The following ZNF79 variants were observed in gnomAD, a reference collection of about 807,000 sequenced individuals.
ZNF79 encodes ZNFpT7.
A neutral mutation model predicts 14.9 loss-of-function variants in ZNF79; 13 were observed. That is an observed-to-expected ratio of 0.87 (90% CI 0.57 to 1.38). The LOEUF (loss-of-function observed/expected upper bound fraction) is 1.38. ZNF79 is among the 40% of genes most tolerant of loss of function. The pLI is 0.00. For missense variants in ZNF79, 631 were observed against 630.6 expected (o/e 1.00, Z -0.01); for synonymous variants, 223 against 235.1 (o/e 0.95, Z 0.47).
chr9:127,444,182 A>T lies in ZNF79; in HGVS notation c.482A>T (p.Gln161Leu). Residue 161 changes from glutamine (Q) to leucine (L), a missense_variant, in exon 5 of 5, where the codon CAG becomes CTG. By Grantham distance (113) the Gln-to-Leu change is moderately radical. Coordinates refer to ENST00000342483, the MANE Select transcript of ZNF79 (RefSeq NM_007135.3). ...FNLRPVLSPQ[Q>L]RVPVEARPRK... ...CTGAGACCAGTCCTCTCTCCGCAAC[A>T]GAGAGTGCCCGTGGAAGCGAGACCT... 6.2e-7 allele frequency: 1 copy of T among 1,614,116 alleles called. No homozygotes were observed. The highest frequency in any genetic ancestry group is 2.2e-5 in the East Asian group (1 of 44,884).
intron 2 of ZNF79, among the ~76,000 whole-genome samples, chr9:127,432,039 T>C (rs1176573213): frequency 1.3e-5 from 2 of 152,218 alleles, no homozygotes; most frequent in Non-Finnish European, 2.9e-5. Context: ...ATTAGCTATT[T>C]ATTTTCATTT....
intron 4 of ZNF79, among the ~76,000 whole-genome samples, chr9:127,436,385 G>A (rs769745140): frequency 6.6e-6 from 1 of 152,192 alleles, no homozygotes; most frequent in Non-Finnish European, 1.5e-5. Flanking sequence ...CTCCCTCACT[G>A]AGGATCCTAG....
At position 127,444,049 on chromosome 9, in the gene ZNF79, T is replaced by C. The variant is rs1421809916; in HGVS notation, c.349T>C (p.Ser117Pro). 3 of 1,591,960 alleles carry C rather than the reference T, an allele frequency of 1.9e-6. No individual in the cohort carries two copies. Among genetic ancestry groups the C allele is most frequent in the South Asian group, 1.1e-5 (1 of 89,320 alleles). Reference protein sequence around the residue: ...PSPGWKIISGSPPEQALSEAS... With the variant: ...PSPGWKIISGPPPEQALSEAS... ...TTCAGGCTGGAAGATTATATCTGGA[T>C]CACCACCAGAGCAAGCCCTTTCTGA... is the stretch of plus-strand genomic sequence containing the variant. Residue 117 changes from serine to proline, a missense_variant, in exon 5 of 5, where the codon TCA (serine) becomes CCA (proline). Transcript: ENST00000342483.
chr9:127,433,757 C>G (rs1471140022), intron 2 of ZNF79, among the ~76,000 whole-genome samples: 1 of 152,214 alleles, frequency 6.6e-6, no homozygotes, highest in African/African-American at 2.4e-5. Flanking sequence ...CTAACAGACC[C>G]TTTCTTCCCA....
In ZNF79 at chr9:127,424,513, T is replaced by G. The variant is rs933554185; in HGVS notation, c.-275T>G. The stretch of plus-strand genomic sequence containing the variant: ...AGTTGCCAGTCGTTTTTCGGAAAGC[T>G]GGCAGCGGCTTTTTCACCGGGTTCT... On this transcript the variant is annotated 5_prime_UTR_variant, in exon 1 of 5. Coordinates refer to ENST00000342483, the MANE Select transcript of ZNF79 (RefSeq NM_007135.3). 4.9e-6 allele frequency: 2 copies of G among 410,752 alleles called. No homozygotes were observed. The highest frequency in any genetic ancestry group is 8.9e-6 in the Non-Finnish European group (2 of 224,886). 25.4% of individuals were successfully genotyped at this position (410,752 alleles called of 1,614,324 possible). A position where few individuals can be genotyped will look rare whatever the true frequency, so the allele number is the denominator to read the frequency against.
At chr9:127,425,790 AC>A (rs1833743005) in intron 1 of ZNF79, among the ~76,000 whole-genome samples, 1 of 152,206 alleles carries the variant, frequency 6.6e-6, no homozygotes, top group Non-Finnish European at 1.5e-5. Context: ...ACGGGGTTTC[AC>A]CATGTTGGCC....
intron 3 of ZNF79, 126 bp from the exon 4 acceptor site, chr9:127,435,782 C>A: frequency 1.3e-6 from 1 of 752,918 alleles, no homozygotes; most frequent in Non-Finnish European, 2.4e-6. Context: ...TAAGTAAGAG[C>A]TCAATAAGGA....
Position 127,424,823 on chromosome 9 carries a change from G to A in ZNF79, c.16+20G>A. 6.2e-7 allele frequency: 1 copy of A among 1,613,824 alleles called. No homozygotes were observed. The highest frequency in any genetic ancestry group is 8.5e-7 in the Non-Finnish European group (1 of 1,179,934). On this transcript the variant is annotated intron_variant, in intron 1 of 4. Coordinates refer to ENST00000342483, the MANE Select transcript of ZNF79 (RefSeq NM_007135.3). ...AAGGAGGTGAGGAGTGGTAGAGGGA[G>A]CGATTGTCAAGAGATCGGCTGCTGC... is the stretch of plus-strand genomic sequence containing the variant.
At chr9:127,438,445 G>A (rs139012934) in intron 4 of ZNF79, among the ~76,000 whole-genome samples, 9 of 152,324 alleles carry the variant, frequency 5.9e-5, no homozygotes, top group African/African-American at 1.9e-4. Context: ...CTGGGCCGCC[G>A]CCCTGCAGGA....
At chr9:127,442,635 G>A (rs530486921) in intron 4 of ZNF79, among the ~76,000 whole-genome samples, 3 of 151,956 alleles carry the variant, frequency 2.0e-5, no homozygotes, top group South Asian at 4.2e-4. Context: ...AGGCTGAGGC[G>A]GAGGATCCCT....
chr9:127,428,837 C>T lies in ZNF79; in HGVS notation c.22C>T (p.Pro8Ser). The T allele has an allele frequency of 1.9e-6, 3 of 1,598,814 alleles. No homozygotes were observed. The highest frequency in any genetic ancestry group is 2.6e-6 in the Non-Finnish European group (3 of 1,172,570). The change falls in exon 2 of 5, where the codon CCT becomes TCT. Residue 8 changes from proline to serine, a missense_variant. Pro to Ser is a moderately conservative substitution (Grantham distance 74, BLOSUM62 -1). Transcript: ENST00000342483. MLEEGVL[P>S]SPGPALPQEE... The stretch of plus-strand genomic sequence containing the variant: ...GTTTTTTTCTCTTTCTCTAGTACTG[C>T]CTTCCCCAGGCCCTGCCCTTCCCCA...
chr9:127,440,697 G>A (rs1472164652), intron 4 of ZNF79, among the ~76,000 whole-genome samples: 5 of 152,290 alleles, frequency 3.3e-5, no homozygotes, highest in East Asian at 3.9e-4. Flanking sequence ...GCATGGGAGC[G>A]GGGAGGTCAG....
Position 127,424,428 on chromosome 9 carries a change from C to G in ZNF79, c.-360C>G. On this transcript the variant is annotated 5_prime_UTR_variant, in exon 1 of 5. Transcript: ENST00000342483. ...GCTGGAGCCAGGACCTGGCGTTGGGCGGTACTTGGACAGCGGTTCTTGAGC... is the reference window on the plus strand; with the variant it reads ...GCTGGAGCCAGGACCTGGCGTTGGGGGGTACTTGGACAGCGGTTCTTGAGC... 4.2e-6 allele frequency: 1 copy of G among 236,390 alleles called. No individual in the cohort carries two copies. 14.6% of individuals were successfully genotyped at this position (236,390 alleles called of 1,614,324 possible).
At chr9:127,434,821 G>T (rs1036477582) in intron 2 of ZNF79, among the ~76,000 whole-genome samples, 9 of 152,116 alleles carry the variant, frequency 5.9e-5, no homozygotes, top group Non-Finnish European at 1.0e-4. Context: ...ACTAATTTTT[G>T]TATTTTTAGT....
At chr9:127,426,063 A>G (rs1033591080) in intron 1 of ZNF79, among the ~76,000 whole-genome samples, 14 of 152,240 alleles carry the variant, frequency 9.2e-5, no homozygotes, top group Admixed American at 1.3e-4. Context: ...AACTCTCAGT[A>G]ACAGAAGGTC....
At chr9:127,439,054 A>G (rs1331949347) in intron 4 of ZNF79, among the ~76,000 whole-genome samples, 3 of 151,814 alleles carry the variant, frequency 2.0e-5, no homozygotes, top group South Asian at 2.1e-4. Context: ...AGAGACTGCC[A>G]TGAGCCAAGA....
Position 127,445,096 on chromosome 9 carries a change from A to C in ZNF79, c.1396A>C (p.Ile466Leu), listed in dbSNP as rs1326989604. The change falls in exon 5 of 5, where the codon ATC becomes CTC. Residue 466 changes from isoleucine to leucine, a missense_variant. Ile to Leu is a conservative substitution (Grantham distance 5). Coordinates refer to ENST00000342483, the MANE Select transcript of ZNF79 (RefSeq NM_007135.3). ...QSSSLSQHQRIHTGVKPYECS... is the reference protein window; with the variant it reads ...QSSSLSQHQRLHTGVKPYECS... The stretch of plus-strand genomic sequence containing the variant: ...CTCATCCCTTAGTCAGCATCAGAGA[A>C]TCCACACAGGCGTGAAACCCTACGA... 6.2e-7 allele frequency: 1 copy of C among 1,613,768 alleles called. No individual in the cohort carries two copies. The highest frequency in any genetic ancestry group is 8.5e-7 in the Non-Finnish European group (1 of 1,179,964).
At chr9:127,438,645 CTG>C (rs1833991329) in intron 4 of ZNF79, among the ~76,000 whole-genome samples, 1 of 152,186 alleles carries the variant, frequency 6.6e-6, no homozygotes, top group Non-Finnish European at 1.5e-5. Context: ...TTCCTGGCCT[CTG>C]TGCAGCATTC....
At chr9:127,427,423 CAA>C (rs943775965) in intron 1 of ZNF79, among the ~76,000 whole-genome samples, 3 of 90,260 alleles carry the variant, frequency 3.3e-5, no homozygotes, top group African/African-American at 7.8e-5. Context: ...AACTCCGTCT[CAA>C]AAAAAAAAAA....
Sources: gnomAD v4.1 joint callset for allele counts (sites outside exome capture counted in the v4.1 genomes callset) on GRCh38, gnomAD v4.1.1 for gene constraint, MANE v1.5 for transcripts, NCBI Gene and HGNC (gene_info 2026-07-23, HGNC 2026-07-21) for gene names.